EYS: variants seen among roughly 807,000 people sequenced by gnomAD.
EYS encodes EGF-like photoreceptor maintenance factor.
A neutral mutation model predicts 282.1 loss-of-function variants in EYS; 250 were observed. The observed-to-expected ratio is 0.89, with a 90% CI of 0.80 to 0.98. The LOEUF (loss-of-function observed/expected upper bound fraction) is 0.98, where lower values mean the gene tolerates loss of function less well. Among genes scored for constraint, EYS ranks in the 50% least tolerant of loss-of-function variants. EYS has a pLI of 0.00. For synonymous variants in EYS, 1,355 were observed against 1,282.9 expected, an observed-to-expected ratio of 1.06 and a Z score of -1.20; for missense variants, 4,016 against 3,709.0, an observed-to-expected ratio of 1.08 and a Z score of -2.15.
rs562056077 is a variant in EYS at position 65,497,625 on chromosome 6, A to G, written c.-332-1632T>C. On this transcript the variant is annotated intron_variant, in intron 2 of 42. Transcript: ENST00000503581. ...TAAAGGAGCTCATATTTTATTCGAG[A>G]GCAATGAAGAGCCTCTTGAAGATTT... Among the ~76,000 whole-genome samples the G allele has an allele frequency of 7.2e-5, 11 of 152,150 alleles. 1 individual carries two copies. The South Asian group carries it at 2.3e-3, about 32-fold the overall frequency.
At chr6:64,023,955 C>A (rs1012025540) in intron 33 of EYS, among the ~76,000 whole-genome samples, 1 of 152,194 alleles carries the variant, frequency 6.6e-6, no homozygotes, top group Admixed American at 6.5e-5. Context: ...TCTCACCGGG[C>A]CTTGGCTGCC....
chr6:64,796,902 A>T (rs1203032223), intron 22 of EYS, among the ~76,000 whole-genome samples: 1 of 152,102 alleles, frequency 6.6e-6, no homozygotes, highest in Admixed American at 6.6e-5. Flanking sequence ...GGGCTTAGGG[A>T]TTATTTAGAG....
intron 14 of EYS, among the ~76,000 whole-genome samples, chr6:64,946,265 C>CTAAT (rs1451537056): frequency 6.6e-6 from 1 of 151,890 alleles, no homozygotes; most frequent in African/African-American, 2.4e-5. Context: ...AACTAAATAA[C>CTAAT]TAATTAAACA....
intron 1 of EYS, among the ~76,000 whole-genome samples, chr6:65,663,585 A>T (rs1768081539): frequency 6.6e-6 from 1 of 152,242 alleles, no homozygotes; most frequent in African/African-American, 2.4e-5. Context: ...GTGGGCAGAA[A>T]GATAGCTTTG....
intron 33 of EYS, among the ~76,000 whole-genome samples, chr6:64,054,504 A>G (rs946746455): frequency 6.6e-6 from 1 of 152,122 alleles, no homozygotes; most frequent in Non-Finnish European, 1.5e-5. Flanking sequence ...CTGAGAAAAA[A>G]GCTTGATTAT....
At position 65,516,489 on chromosome 6, in the gene EYS, T is replaced by C. The variant is rs553836512; in HGVS notation, c.-332-20496A>G. On this transcript the variant is annotated intron_variant, in intron 2 of 42. Transcript: ENST00000503581. ...GTTTAGGATTAGGACTGACAAGATA[T>C]AGTAGAAGCATGAATGGTAGTTTAT... Among the ~76,000 whole-genome samples the C allele has an allele frequency of 4.6e-3, 700 of 152,182 alleles. 6 individuals carry two copies. Among genetic ancestry groups the C allele is most frequent in the African/African-American group, 0.015 (642 of 41,550 alleles).
At chr6:65,361,362 AT>A (rs1209527574) in intron 8 of EYS, among the ~76,000 whole-genome samples, 5 of 80,698 alleles carry the variant, frequency 6.2e-5, no homozygotes, top group Non-Finnish European at 1.4e-4. Context: ...TTAAAGTATA[AT>A]AAAAAAAAAG....
At chr6:65,055,607 C>T (rs922185306) in intron 13 of EYS, among the ~76,000 whole-genome samples, 4 of 152,120 alleles carry the variant, frequency 2.6e-5, no homozygotes, top group Admixed American at 1.3e-4. Flanking sequence ...CCTTAGGCTT[C>T]TCTTGGCTTT....
intron 26 of EYS, among the ~76,000 whole-genome samples, chr6:64,491,258 T>C (rs1776730295): frequency 6.6e-6 from 1 of 150,914 alleles, no homozygotes; most frequent in Non-Finnish European, 1.5e-5. Flanking sequence ...TTTGTTACCC[T>C]AAAATGAAAA....
At chr6:64,714,040 C>G (rs1052777972) in intron 22 of EYS, among the ~76,000 whole-genome samples, 6 of 152,068 alleles carry the variant, frequency 3.9e-5, no homozygotes, top group African/African-American at 1.2e-4. Flanking sequence ...TAATAGCAAG[C>G]TAAATATGTT....
At chr6:64,921,363 A>G (rs1768342286) in intron 15 of EYS, among the ~76,000 whole-genome samples, 1 of 152,204 alleles carries the variant, frequency 6.6e-6, no homozygotes, top group Non-Finnish European at 1.5e-5. Context: ...AATTTAAATA[A>G]CACTCAAATT....
chr6:64,165,187 T>TA (rs750894334), intron 31 of EYS, among the ~76,000 whole-genome samples: 2 of 152,000 alleles, frequency 1.3e-5, no homozygotes, highest in Non-Finnish European at 2.9e-5. Flanking sequence ...CTGTTAAAAC[T>TA]AAAAAAGCAG....
chr6:64,625,433 T>G (rs989589611), intron 23 of EYS, among the ~76,000 whole-genome samples: 5 of 152,194 alleles, frequency 3.3e-5, no homozygotes, highest in Non-Finnish European at 5.9e-5. Flanking sequence ...AAGAACAAGT[T>G]GATGACAGAT....
At position 63,789,179 on chromosome 6, in the gene EYS, C is replaced by T. The variant is rs759150246; in HGVS notation, c.7457G>A (p.Ser2486Asn). The T allele has an allele frequency of 3.9e-6, 6 of 1,551,764 alleles. No individual in the cohort carries two copies. The African/African-American group carries it at 4.1e-5, about 11-fold the overall frequency. The change falls in exon 38 of 43, where the codon AGT becomes AAT. Residue 2486 changes from serine (S) to asparagine (N), a missense_variant. Transcript: ENST00000503581. ...CCCCAGGTTATAACTATAAACCACA[C>T]TGCCATTGAGCAGGCCCACAGCCAG... is the stretch of plus-strand genomic sequence containing the variant. ...DFLAVGLLNG[S>N]VVYSYNLGSG... is the part of the protein sequence containing the mutation.
chr6:63,741,007 A>T (rs906991666), intron 41 of EYS, among the ~76,000 whole-genome samples: 2 of 152,152 alleles, frequency 1.3e-5, no homozygotes, highest in Admixed American at 1.3e-4. Flanking sequence ...TCTTTGGGAG[A>T]CTTTAGAAAT....
At chr6:65,331,221 T>C (rs987962726) in intron 11 of EYS, 1 of 717,284 alleles carries the variant, frequency 1.4e-6, no homozygotes, top group Admixed American at 6.3e-5. Context: ...AATGTGTGAA[T>C]TAATTTGGGA....
intron 12 of EYS, among the ~76,000 whole-genome samples, chr6:65,071,689 G>A (rs182242879): frequency 5.1e-4 from 78 of 151,856 alleles, no homozygotes; most frequent in African/African-American, 1.7e-3. Context: ...CATCGTATGG[G>A]CCTGAAGACA....
chr6:64,784,930 A>G (rs1038520852), intron 22 of EYS, among the ~76,000 whole-genome samples: 3 of 151,904 alleles, frequency 2.0e-5, no homozygotes, highest in Non-Finnish European at 4.4e-5. Context: ...GACTTGGGAG[A>G]ACACAAGATG....
intron 24 of EYS, among the ~76,000 whole-genome samples, chr6:64,595,845 A>C (rs1412045756): frequency 6.6e-6 from 1 of 152,156 alleles, no homozygotes; most frequent in Non-Finnish European, 1.5e-5. Context: ...ATATTATTTC[A>C]ATGACTGTAT....
Sources: allele counts gnomAD v4.1 joint callset (sites outside exome capture counted in the v4.1 genomes callset), GRCh38; gene constraint gnomAD v4.1.1; transcripts MANE v1.5; gene names NCBI Gene and HGNC (gene_info 2026-07-23, HGNC 2026-07-21).